Variants in CFAP69 observed in about 807,000 individuals in gnomAD.
CFAP69 encodes the protein cilia- and flagella-associated protein 69.
In CFAP69, 92 loss-of-function variants were observed where a neutral mutation model predicts 123.0. That is an observed-to-expected ratio of 0.75 (90% CI 0.63 to 0.89). The LOEUF (loss-of-function observed/expected upper bound fraction) is 0.89, where lower values mean the gene tolerates loss of function less well. Ranked by LOEUF, CFAP69 falls within the 40% of genes least tolerant of loss-of-function variation. The pLI, the probability that CFAP69 is intolerant of heterozygous loss-of-function variation, is 0.00. For synonymous variants in CFAP69, 380 were observed against 364.3 expected (o/e 1.04, Z -0.49); for missense variants, 1,067 against 1,096.9 (o/e 0.97, Z 0.39).
intron 16 of CFAP69, among the ~76,000 whole-genome samples, chr7:90,299,213 A>G (rs1792416360): frequency 1.3e-5 from 2 of 152,186 alleles, no homozygotes; most frequent in African/African-American, 4.8e-5. Context: ...TATTTCACAT[A>G]GAAGAATTAG....
intron 9 of CFAP69, among the ~76,000 whole-genome samples, chr7:90,274,517 A>G (rs895756006): frequency 1.8e-4 from 28 of 152,162 alleles, no homozygotes; most frequent in African/African-American, 6.8e-4. Context: ...CTTAAAGTCT[A>G]TGCTCATTGA....
At chr7:90,271,040 G>GA (rs1799877102) in intron 6 of CFAP69, among the ~76,000 whole-genome samples, 1 of 152,106 alleles carries the variant, frequency 6.6e-6, no homozygotes, top group African/African-American at 2.4e-5. Flanking sequence ...CAGTGAAACT[G>GA]ACTAGTGAAA....
At chr7:90,312,545 G>A (rs1794422912), downstream of CFAP69, 1 of 152,176 alleles carries the variant, frequency 6.6e-6, no homozygotes, top group Admixed American at 6.6e-5. Context: ...ACAAATAAGT[G>A]TAAGTTGATG....
chr7:90,287,949 CTTCTT>C (rs1165073132), intron 14 of CFAP69, among the ~76,000 whole-genome samples: 1 of 151,890 alleles, frequency 6.6e-6, no homozygotes, highest in Non-Finnish European at 1.5e-5. Context: ...AATTTTATGA[CTTCTT>C]TTAGGAGAAA....
chr7:90,261,227 C>T (rs191617769), intron 3 of CFAP69, among the ~76,000 whole-genome samples: 124 of 152,218 alleles, frequency 8.1e-4, no homozygotes, highest in African/African-American at 2.8e-3. Context: ...TTACAGGCAC[C>T]ACCACGCCCA....
chr7:90,307,702 A>T (rs1793803767), intron 20 of CFAP69, 66 bp from the exon 21 acceptor site: 4 of 974,360 alleles, frequency 4.1e-6, no homozygotes, highest in Admixed American at 2.6e-5. Flanking sequence ...TGACAGAGTG[A>T]GGTTCTGTCT....
chr7:90,316,618 GA>G, the CFAP69 span: 2 of 152,128 alleles, frequency 1.3e-5, no homozygotes, highest in Admixed American at 6.5e-5. Flanking sequence ...TGAACAGAAA[GA>G]AAAAGTTTTT....
intron 3 of CFAP69, among the ~76,000 whole-genome samples, chr7:90,259,596 T>C (rs540064833): frequency 2.0e-5 from 3 of 152,032 alleles, no homozygotes. Flanking sequence ...GCTTAAGCGA[T>C]CCTCTCACCT....
At chr7:90,251,372 T>C (rs1411474360) in intron 1 of CFAP69, among the ~76,000 whole-genome samples, 6 of 152,174 alleles carry the variant, frequency 3.9e-5, no homozygotes, top group Admixed American at 3.9e-4. Context: ...TTGGAAAGCA[T>C]ATTTGGCTTT....
In CFAP69 at chr7:90,305,619, G is replaced by A. The variant is rs1051955196; in HGVS notation, c.2265+799G>A. 2.2e-4 allele frequency among the ~76,000 whole-genome samples: 34 copies of A among 151,710 alleles called. 1 individual carries two copies. The highest frequency in any genetic ancestry group is 6.8e-4 in the African/African-American group (28 of 41,336). Reference sequence around the variant, plus strand: ...TGCAATCCTAGCACCTTGGGAGGCCGAGGTGGGTGGATCACCCAAGGTCAG... The same window carrying A: ...TGCAATCCTAGCACCTTGGGAGGCCAAGGTGGGTGGATCACCCAAGGTCAG... On this transcript the variant is annotated intron_variant, in intron 19 of 22. Coordinates refer to ENST00000389297, the MANE Select transcript of CFAP69 (RefSeq NM_001039706.3).
intron 1 of CFAP69, among the ~76,000 whole-genome samples, chr7:90,253,127 T>G (rs1266676200): frequency 2.0e-5 from 3 of 152,204 alleles, no homozygotes; most frequent in Non-Finnish European, 4.4e-5. Context: ...TATTTTAAAG[T>G]AGAAGTAAGC....
intron 3 of CFAP69, among the ~76,000 whole-genome samples, chr7:90,260,033 T>C (rs1344593974): frequency 1.3e-5 from 2 of 152,174 alleles, no homozygotes; most frequent in African/African-American, 4.8e-5. Context: ...TGGCTTGGAA[T>C]GCAGCCCAAC....
intron 20 of CFAP69, 89 bp from the exon 21 acceptor site, chr7:90,307,679 A>G: frequency 5.5e-6 from 4 of 727,004 alleles, no homozygotes; most frequent in Non-Finnish European, 8.9e-6. Context: ...ATGCCACTGG[A>G]CTCCAGCCTG....
chr7:90,246,975 C>T (rs1796409694), intron 1 of CFAP69, among the ~76,000 whole-genome samples: 2 of 152,074 alleles, frequency 1.3e-5, no homozygotes, highest in Admixed American at 1.3e-4. Context: ...CTTTCCAGGG[C>T]CTAGGATTCT....
At chr7:90,322,592 A>G in the CFAP69 span, 2 of 152,344 alleles carry the variant, frequency 1.3e-5, no homozygotes, top group East Asian at 3.9e-4. Context: ...CTGTTGAGTA[A>G]CCACATAGTT....
intron 1 of CFAP69, among the ~76,000 whole-genome samples, chr7:90,249,177 C>G (rs1796679852): frequency 6.6e-6 from 1 of 152,030 alleles, no homozygotes; most frequent in Admixed American, 6.5e-5. Context: ...GGTGATTTCC[C>G]CCATGCTGTT....
chr7:90,271,896 C>T lies in CFAP69; in HGVS notation c.798C>T (p.Asn266=). ...TTCGTTCATCAGAAATACTTTGGAACTTGCTGGAAAAATCTTCAAAAGAAG... is the reference window on the plus strand; with the variant it reads ...TTCGTTCATCAGAAATACTTTGGAATTTGCTGGAAAAATCTTCAAAAGAAG... The part of the protein sequence containing the change: ...LLFRSSEILW[N]LLEKSSKEEV... Residue 266 remains asparagine, a synonymous_variant, in exon 8 of 23, where the codon AAC becomes AAT. Coordinates refer to ENST00000389297, the MANE Select transcript of CFAP69 (RefSeq NM_001039706.3). The T allele has an allele frequency of 6.2e-7, 1 of 1,612,886 alleles. No individual in the cohort carries two copies. The highest frequency in any genetic ancestry group is 8.5e-7 in the Non-Finnish European group (1 of 1,179,324).
intron 8 of CFAP69, 197 bp downstream of exon 8, chr7:90,272,155 T>C (rs1419135832): frequency 4.4e-6 from 2 of 452,092 alleles, no homozygotes; most frequent in Non-Finnish European, 7.6e-6. Context: ...TGTGGAAGGC[T>C]CTTGAAGTAG....
chr7:90,262,070 CT>C lies in CFAP69; in HGVS notation c.356+17del. ...AAAACTGTGTGGGTAAGTTATCTTT[CT>C]TTAACTTTATTTTGTAGTAACATGG... On this transcript the variant is annotated intron_variant, in intron 4 of 22. Transcript: ENST00000389297. The C allele has an allele frequency of 6.9e-7, 1 of 1,455,424 alleles. No individual in the cohort carries two copies. The highest frequency in any genetic ancestry group is 1.9e-5 in the Admixed American group (1 of 51,644). 90.2% of individuals were successfully genotyped at this position (1,455,424 alleles called of 1,614,324 possible).
Sources: allele counts gnomAD v4.1 joint callset (sites outside exome capture counted in the v4.1 genomes callset), GRCh38; gene constraint gnomAD v4.1.1; transcripts MANE v1.5; gene names NCBI Gene and HGNC (gene_info 2026-07-23, HGNC 2026-07-21).